PLSCR5: variants seen among roughly 807,000 people sequenced by gnomAD.
The protein encoded by PLSCR5 is phospholipid scramblase family member 5, also known as phospholipid scramblase family, member 5.
PLSCR5 carries 44 observed loss-of-function variants against 33.6 expected under a neutral mutation model. That is an observed-to-expected ratio of 1.31 (90% CI 1.03 to 1.69). PLSCR5 has a LOEUF of 1.69. PLSCR5 is among the 40% of genes most tolerant of loss of function. The pLI is 0.00. For missense variants in PLSCR5, 375 were observed against 318.7 expected (o/e 1.18, Z -1.34); for synonymous variants, 148 against 112.3 (o/e 1.32, Z -2.01).
downstream of PLSCR5, among the ~76,000 whole-genome samples, chr3:146,581,354 G>A (rs2044631806): frequency 6.6e-6 from 1 of 152,174 alleles, no homozygotes; most frequent in South Asian, 2.1e-4. Flanking sequence ...ACCTTAACGT[G>A]TTGTTATCTG....
chr3:146,586,930 T>C (rs1480027554), intron 6 of PLSCR5, among the ~76,000 whole-genome samples: 1 of 152,142 alleles, frequency 6.6e-6, no homozygotes, highest in Non-Finnish European at 1.5e-5. Context: ...TAAGCTATAT[T>C]GGCTGGCAAA....
intron 6 of PLSCR5, among the ~76,000 whole-genome samples, chr3:146,589,185 A>G (rs888921808): frequency 3.9e-5 from 6 of 152,188 alleles, no homozygotes; most frequent in Non-Finnish European, 7.4e-5. Context: ...GGCAACTGGT[A>G]CCTATTAACT....
intron 1 of PLSCR5, 133 bp from the exon 2 acceptor site, chr3:146,600,596 C>G: frequency 1.1e-6 from 1 of 912,306 alleles, no homozygotes; most frequent in Non-Finnish European, 1.5e-6. Context: ...CCTTTTCCTT[C>G]TTTTCACTAC....
chr3:146,595,882 G>A (rs1351023801), intron 2 of PLSCR5, among the ~76,000 whole-genome samples: 3 of 152,074 alleles, frequency 2.0e-5, no homozygotes, highest in Non-Finnish European at 2.9e-5. Context: ...TTCAGTGATG[G>A]AATATATTTG....
chr3:146,584,038 AG>A (rs962714955), downstream of PLSCR5, among the ~76,000 whole-genome samples: 1 of 152,174 alleles, frequency 6.6e-6, no homozygotes, highest in South Asian at 2.1e-4. Context: ...CTGGGTGGGA[AG>A]GGGGGAAGAC....
intron 4 of PLSCR5, among the ~76,000 whole-genome samples, chr3:146,592,926 T>G (rs1200227994): frequency 1.3e-5 from 2 of 152,162 alleles, no homozygotes; most frequent in African/African-American, 2.4e-5. Context: ...AGTAGACGGA[T>G]GGAAATTCTT....
Position 146,593,968 on chromosome 3 carries a change from GTT to G in PLSCR5, c.403_404del (p.Asn135GlnfsTer6). ...AGCAGCTGTTACATCTCAAGGGCCTGTTCACTGTAATGACCTCTCGACCTGAG... is the reference window on the plus strand; with the variant it reads ...AGCAGCTGTTACATCTCAAGGGCCTGCACTGTAATGACCTCTCGACCTGAG... ...DNSGREVITV[N>X]RPLRCNSCWC... On this transcript the variant is annotated frameshift_variant, in exon 4 of 8. Transcript: ENST00000443512. LOFTEE classifies it high-confidence loss of function. 1 of 1,613,822 alleles carries G rather than the reference GTT, an allele frequency of 6.2e-7. No homozygotes were observed. Among genetic ancestry groups the G allele is most frequent in the Non-Finnish European group, 8.5e-7 (1 of 1,179,788 alleles).
intron 6 of PLSCR5, among the ~76,000 whole-genome samples, chr3:146,587,053 A>G: frequency 6.6e-6 from 1 of 152,230 alleles, no homozygotes; most frequent in Non-Finnish European, 1.5e-5. Context: ...TTTAAAAGTT[A>G]TCCTTTTAGA....
At chr3:146,589,572 G>A (rs1464291471) in intron 6 of PLSCR5, 81 bp downstream of exon 6, 5 of 1,253,820 alleles carry the variant, frequency 4.0e-6, no homozygotes, top group Non-Finnish European at 4.2e-6. Context: ...TAAAAACTGT[G>A]TAAATGGGAT....
At chr3:146,584,524 T>C (rs368746451), downstream of PLSCR5, among the ~76,000 whole-genome samples, 1 of 152,226 alleles carries the variant, frequency 6.6e-6, no homozygotes, top group Non-Finnish European at 1.5e-5. Flanking sequence ...TTTTAAAATA[T>C]AGTTATTTTT....
chr3:146,602,606 CA>C (rs1444443757), intron 1 of PLSCR5, among the ~76,000 whole-genome samples: 1 of 151,990 alleles, frequency 6.6e-6, no homozygotes, highest in Non-Finnish European at 1.5e-5. Context: ...CTTCACTGCA[CA>C]TATTATCTCT....
Position 146,585,850 on chromosome 3 carries a change from C to A in PLSCR5, c.*137G>T. On this transcript the variant is annotated 3_prime_UTR_variant, in exon 8 of 8. Transcript: ENST00000443512. The stretch of plus-strand genomic sequence containing the variant: ...ACAACTAGATAATTGCCTCATTAAA[C>A]TGTTTTAATAAATATAATAATTAAC... 1 of 355,232 alleles carries A rather than the reference C, an allele frequency of 2.8e-6. No homozygotes were observed. Among genetic ancestry groups the A allele is most frequent in the South Asian group, 4.5e-5 (1 of 21,990 alleles). 22.0% of individuals were successfully genotyped at this position (355,232 alleles called of 1,614,324 possible). A position where few individuals can be genotyped will look rare whatever the true frequency, so the allele number is the denominator to read the frequency against.
intron 2 of PLSCR5, among the ~76,000 whole-genome samples, chr3:146,596,655 C>T (rs2044764051): frequency 6.6e-6 from 1 of 152,100 alleles, no homozygotes; most frequent in South Asian, 2.1e-4. Flanking sequence ...ATAAACTCAC[C>T]AGTAACTATT....
At position 146,591,730 on chromosome 3, in the gene PLSCR5, A is replaced by G. The variant is rs754534166; in HGVS notation, c.605T>C (p.Val202Ala). Reference protein sequence around the residue: ...PCVTCGCFGDVDFEVKTINEK... With the variant: ...PCVTCGCFGDADFEVKTINEK... Reference sequence around the variant, plus strand: ...TTTTGTCAATTGTACCTCAAAATCCACATCGCCAAAACAGCCACATGTCAC... The same window carrying G: ...TTTTGTCAATTGTACCTCAAAATCCGCATCGCCAAAACAGCCACATGTCAC... The change falls in exon 5 of 8, where the codon GTG becomes GCG. Residue 202 changes from valine (V) to alanine (A), a missense_variant. Transcript: ENST00000443512. The G allele has an allele frequency of 7.5e-6, 12 of 1,610,024 alleles. No individual in the cohort carries two copies. In the East Asian group the frequency reaches 2.5e-4, roughly 33 times the overall value.
At chr3:146,583,292 A>T (rs750587236), downstream of PLSCR5, among the ~76,000 whole-genome samples, 7 of 152,160 alleles carry the variant, frequency 4.6e-5, no homozygotes, top group Non-Finnish European at 1.0e-4. Context: ...ACTTATTGGC[A>T]TGTAAGAGCA....
At chr3:146,581,700 A>G (rs1157805040), downstream of PLSCR5, among the ~76,000 whole-genome samples, 1 of 152,234 alleles carries the variant, frequency 6.6e-6, no homozygotes, top group Admixed American at 6.5e-5. Context: ...TCAGCACAAA[A>G]CAAAGTGAGA....
At chr3:146,593,779 T>C in intron 4 of PLSCR5, 141 bp downstream of exon 4, 1 of 770,240 alleles carries the variant, frequency 1.3e-6, no homozygotes, top group Non-Finnish European at 2.1e-6. Context: ...CTCAAGCTGA[T>C]CTGATCCTAA....
chr3:146,601,927 C>T (rs1264834568), intron 1 of PLSCR5, among the ~76,000 whole-genome samples: 1 of 151,998 alleles, frequency 6.6e-6, no homozygotes, highest in Non-Finnish European at 1.5e-5. Flanking sequence ...TAAATTCATT[C>T]ATTTATTTAT....
downstream of PLSCR5, among the ~76,000 whole-genome samples, chr3:146,581,068 A>G (rs1271639593): frequency 6.6e-6 from 1 of 152,214 alleles, no homozygotes; most frequent in East Asian, 1.9e-4. Flanking sequence ...TCTTCTTTAC[A>G]TGATTTCTGA....
Sources: gnomAD v4.1 joint callset for allele counts (sites outside exome capture counted in the v4.1 genomes callset) on GRCh38, gnomAD v4.1.1 for gene constraint, MANE v1.5 for transcripts, NCBI Gene and HGNC (gene_info 2026-07-23, HGNC 2026-07-21) for gene names.